The following WNK1 variants were observed in gnomAD, a reference collection of about 807,000 sequenced individuals.
WNK1 encodes serine/threonine-protein kinase WNK1.
Under a neutral mutation model 222.8 loss-of-function variants are expected in WNK1, and 38 were observed. The ratio of observed to expected loss-of-function variants is 0.17; its 90% CI spans 0.13 to 0.22. The LOEUF is 0.22. Among genes scored for constraint, WNK1 ranks in the 10% least tolerant of loss-of-function variants. The pLI is 1.00. For synonymous variants in WNK1, 1,090 were observed against 1,092.9 expected, an observed-to-expected ratio of 1.00 and a Z score of 0.05; for missense variants, 2,348 against 2,918.4, an observed-to-expected ratio of 0.80 and a Z score of 4.50.
At chr12:812,341 T>C (rs747570415) in intron 1 of WNK1, among the ~76,000 whole-genome samples, 3 of 152,154 alleles carry the variant, frequency 2.0e-5, no homozygotes, top group Non-Finnish European at 4.4e-5. Flanking sequence ...GAAAAGACAT[T>C]TATGGAATTC....
chr12:844,296 C>T lies in WNK1; in HGVS notation c.1312-12865C>T, dbSNP rs533322701. On this transcript the variant is annotated intron_variant, in intron 4 of 27. Transcript: ENST00000315939. Reference sequence around the variant, plus strand: ...GACAATAGGCATGGGCCACCACAGCCGGCTAACATGTATTTTCTGGTAGAG... The same window carrying T: ...GACAATAGGCATGGGCCACCACAGCTGGCTAACATGTATTTTCTGGTAGAG... Among the ~76,000 whole-genome samples the T allele has an allele frequency of 5.9e-5, 9 of 152,138 alleles. No individual in the cohort carries two copies. The East Asian group carries it at 7.7e-4, about 13-fold the overall frequency.
intron 1 of WNK1, among the ~76,000 whole-genome samples, chr12:766,249 A>G (rs1941681127): frequency 1.3e-5 from 2 of 152,228 alleles, no homozygotes; most frequent in Non-Finnish European, 2.9e-5. Context: ...AATCCATAAT[A>G]AAATATATGT....
chr12:870,963 T>G (rs1253384248), intron 8 of WNK1, among the ~76,000 whole-genome samples: 1 of 152,224 alleles, frequency 6.6e-6, no homozygotes, highest in Non-Finnish European at 1.5e-5. Context: ...AATAACAAAT[T>G]TTATTATGAA....
intron 1 of WNK1, among the ~76,000 whole-genome samples, chr12:786,371 A>T (rs1019606486): frequency 1.3e-5 from 2 of 152,134 alleles, no homozygotes; most frequent in African/African-American, 2.4e-5. Flanking sequence ...AATATAAAAT[A>T]TGCAGCATTT....
At chr12:857,318 C>A in intron 5 of WNK1, 69 bp downstream of exon 5, 1 of 1,288,762 alleles carries the variant, frequency 7.8e-7, no homozygotes, top group East Asian at 2.3e-5. Context: ...TTGAGTACAA[C>A]ACACATTCTA....
chr12:859,140 A>G, intron 5 of WNK1, 105 bp from the exon 6 acceptor site: 1 of 1,006,476 alleles, frequency 9.9e-7, no homozygotes, highest in East Asian at 2.5e-5. Flanking sequence ...ATTTTTTCCC[A>G]TTTTTTTCTT....
intron 7 of WNK1, among the ~76,000 whole-genome samples, 166 bp downstream of exon 7, chr12:861,509 C>T (rs1159679321): frequency 1.3e-5 from 2 of 151,916 alleles, no homozygotes; most frequent in Admixed American, 6.6e-5. Context: ...ATATCTGTGA[C>T]TAGGAGAATA....
chr12:856,047 C>T (rs981955786), intron 4 of WNK1, among the ~76,000 whole-genome samples: 1 of 151,282 alleles, frequency 6.6e-6, no homozygotes, highest in South Asian at 2.1e-4. Context: ...ACCATGTTGG[C>T]CAGGATGGTC....
At chr12:887,030 A>G (rs1953725466) in intron 19 of WNK1, among the ~76,000 whole-genome samples, 191 bp from the exon 20 acceptor site, 1 of 152,224 alleles carries the variant, frequency 6.6e-6, no homozygotes, top group Admixed American at 6.5e-5. Context: ...AGTAACCCCT[A>G]TAATAACAAC....
chr12:795,648 T>C (rs1379204630), intron 1 of WNK1, among the ~76,000 whole-genome samples: 2 of 134,648 alleles, frequency 1.5e-5, no homozygotes, highest in East Asian at 5.5e-4. Flanking sequence ...GATATGTCTT[T>C]ATCAGCAGCA....
rs201525324 is a variant in WNK1, at chr12:885,268, A to G, written c.4464A>G (p.Thr1488=). ...CAGGCAGCACTACTGTGGGAGCCAC[A>G]TTAACATCAGTTTCTACCACCACTT... ...QAAGSTTVGA[T]LTSVSTTTSF... The change falls in exon 19 of 28, where the codon ACA becomes ACG. Residue 1488 remains threonine (T), a synonymous_variant. Transcript: ENST00000315939. The G allele has an allele frequency of 1.8e-5, 29 of 1,614,220 alleles. No homozygotes were observed. The highest frequency in any genetic ancestry group is 2.5e-5 in the Non-Finnish European group (29 of 1,180,030).
At chr12:759,068 T>C (rs1230712297) in intron 1 of WNK1, among the ~76,000 whole-genome samples, 2 of 147,126 alleles carry the variant, frequency 1.4e-5, no homozygotes, top group African/African-American at 2.4e-5. Flanking sequence ...TTCATCCCTA[T>C]GGAAACATTC....
Position 908,848 on chromosome 12 carries a change from T to A in WNK1, c.*56T>A, listed in dbSNP as rs1367502389. On this transcript the variant is annotated 3_prime_UTR_variant, in exon 28 of 28. Transcript: ENST00000315939. Reference sequence around the variant, plus strand: ...GGCAGGAGATGGAATGCTGAGGGGGTGGGTGGGGGTGGGAAGTAGCCTATA... The same window carrying A: ...GGCAGGAGATGGAATGCTGAGGGGGAGGGTGGGGGTGGGAAGTAGCCTATA... The A allele has an allele frequency of 1.4e-5, 3 of 218,718 alleles. No homozygotes were observed. Among genetic ancestry groups the A allele is most frequent in the East Asian group, 1.2e-4 (1 of 8,420 alleles). 13.5% of individuals were successfully genotyped at this position (218,718 alleles called of 1,614,324 possible).
At chr12:765,596 C>CACCT (rs1941595475) in intron 1 of WNK1, among the ~76,000 whole-genome samples, 1 of 120,024 alleles carries the variant, frequency 8.3e-6, no homozygotes. Context: ...TTGGAATGTG[C>CACCT]TATATCCAGA....
Position 883,450 on chromosome 12 carries a change from G to A in WNK1, c.3545G>A (p.Arg1182Gln), listed in dbSNP as rs749563110. The A allele has an allele frequency of 8.1e-6, 13 of 1,614,108 alleles. No homozygotes were observed. Among genetic ancestry groups the A allele is most frequent in the South Asian group, 1.1e-5 (1 of 91,072 alleles). The change falls in exon 16 of 28, where the codon CGA becomes CAA. Residue 1182 changes from arginine (R) to glutamine (Q), a missense_variant. By Grantham distance (43) the Arg-to-Gln change is conservative. Transcript: ENST00000315939. ...AGAGAGTCGTTTGTGGATCAAGTGCGAGAAATTATTGAAAAAGCTGATGAA... is the reference window on the plus strand; with the variant it reads ...AGAGAGTCGTTTGTGGATCAAGTGCAAGAAATTATTGAAAAAGCTGATGAA... Reference protein sequence around the residue: ...IERESFVDQVREIIEKADEML... With the variant: ...IERESFVDQVQEIIEKADEML...
intron 1 of WNK1, among the ~76,000 whole-genome samples, chr12:777,415 C>T (rs1943239086): frequency 6.6e-6 from 1 of 152,054 alleles, no homozygotes; most frequent in South Asian, 2.1e-4. Context: ...GCCTCGGCCT[C>T]CCAAAGTGCT....
chr12:888,493 C>T (rs891750112), intron 20 of WNK1, among the ~76,000 whole-genome samples: 4 of 152,022 alleles, frequency 2.6e-5, no homozygotes, highest in African/African-American at 9.7e-5. Flanking sequence ...GAGGGAAAGG[C>T]CTAAGCAAAG....
chr12:758,069 GA>G (rs1940440527), intron 1 of WNK1, among the ~76,000 whole-genome samples: 1 of 141,068 alleles, frequency 7.1e-6, no homozygotes, highest in African/African-American at 2.5e-5. Flanking sequence ...GAAAGAAAAA[GA>G]AAACATTGAT....
At position 861,076 on chromosome 12, in the gene WNK1, G is replaced by A; in HGVS notation, c.1684G>A (p.Val562Ile). 3 of 1,613,870 alleles carry A rather than the reference G, an allele frequency of 1.9e-6. No individual in the cohort carries two copies. Among genetic ancestry groups the A allele is most frequent in the Admixed American group, 1.7e-5 (1 of 59,976 alleles). Residue 562 changes from valine (V) to isoleucine (I), a missense_variant, in exon 7 of 28, where the codon GTA (valine) becomes ATA (isoleucine). Physicochemically the swap from Val to Ile is conservative, Grantham distance 29. Transcript: ENST00000315939. Reference protein sequence around the residue: ...KTMAKAIKDRVSLIKRKREQR... With the variant: ...KTMAKAIKDRISLIKRKREQR... ...CATGGCTAAAGCTATCAAAGACAGA[G>A]TATCATTAATTAAGAGGAAACGAGA... is the stretch of plus-strand genomic sequence containing the variant.
Sources: gnomAD v4.1 joint callset for allele counts (sites outside exome capture counted in the v4.1 genomes callset) on GRCh38, gnomAD v4.1.1 for gene constraint, MANE v1.5 for transcripts, NCBI Gene and HGNC (gene_info 2026-07-23, HGNC 2026-07-21) for gene names.